CACNA1D: variants seen among roughly 807,000 people sequenced by gnomAD.
The protein encoded by CACNA1D is voltage-dependent L-type calcium channel subunit alpha-1D.
A neutral mutation model predicts 257.1 loss-of-function variants in CACNA1D; 55 were observed. That is an observed-to-expected ratio of 0.21 (90% CI 0.17 to 0.27). The LOEUF is 0.27. Among genes scored for constraint, CACNA1D ranks in the 10% least tolerant of loss-of-function variants. The probability of loss-of-function intolerance (pLI) is 1.00; values close to 1 mark genes in which losing one functional copy is unlikely to be tolerated. For missense variants in CACNA1D, 1,876 were observed against 2,784.0 expected, an observed-to-expected ratio of 0.67 and a Z score of 7.34; for synonymous variants, 980 against 1,014.9, an observed-to-expected ratio of 0.97 and a Z score of 0.65.
chr3:53,498,472 C>T (rs1241373338), intron 2 of CACNA1D, among the ~76,000 whole-genome samples: 1 of 152,120 alleles, frequency 6.6e-6, no homozygotes, highest in East Asian at 1.9e-4. Flanking sequence ...TTTAATTAGG[C>T]AGATGATTCA....
intron 3 of CACNA1D, among the ~76,000 whole-genome samples, chr3:53,532,664 A>G (rs2091985863): frequency 6.6e-6 from 1 of 152,188 alleles, no homozygotes. Context: ...TGGCTTTTGC[A>G]TGTATATTGC....
At chr3:53,508,698 A>T (rs556952330) in intron 3 of CACNA1D, among the ~76,000 whole-genome samples, 3 of 152,122 alleles carry the variant, frequency 2.0e-5, no homozygotes, top group South Asian at 2.1e-4. Context: ...GTGTTTGTTT[A>T]CTTTTTAACT....
chr3:53,591,559 C>T (rs1001615491), intron 3 of CACNA1D, among the ~76,000 whole-genome samples: 1 of 152,304 alleles, frequency 6.6e-6, no homozygotes, highest in Non-Finnish European at 1.5e-5. Flanking sequence ...CAGCCCACCT[C>T]CTCTTTTAAT....
intron 8 of CACNA1D, among the ~76,000 whole-genome samples, chr3:53,675,876 C>T (rs985972175): frequency 2.6e-5 from 4 of 152,300 alleles, no homozygotes; most frequent in South Asian, 2.1e-4. Context: ...ACTGTCAGTG[C>T]GGGCTGTGCT....
chr3:53,683,884 T>C (rs1418467894), intron 8 of CACNA1D, among the ~76,000 whole-genome samples: 2 of 152,088 alleles, frequency 1.3e-5, no homozygotes, highest in Non-Finnish European at 2.9e-5. Flanking sequence ...TAAATAAAGC[T>C]GAACATGTTG....
intron 45 of CACNA1D, among the ~76,000 whole-genome samples, chr3:53,806,229 T>C: frequency 8.2e-6 from 1 of 122,160 alleles, no homozygotes; most frequent in African/African-American, 3.0e-5. Context: ...CCCCTTCCTC[T>C]CCCTTGCCTT....
chr3:53,646,279 G>A (rs1285928571), intron 3 of CACNA1D, among the ~76,000 whole-genome samples: 1 of 152,224 alleles, frequency 6.6e-6, no homozygotes, highest in Non-Finnish European at 1.5e-5. Context: ...GGGGAGGCCA[G>A]GTGAGATATT....
chr3:53,643,787 C>T (rs2093989636), intron 3 of CACNA1D, among the ~76,000 whole-genome samples: 1 of 152,246 alleles, frequency 6.6e-6, no homozygotes, highest in Non-Finnish European at 1.5e-5. Flanking sequence ...TCCCACCTGT[C>T]CTCATACCTT....
At chr3:53,508,601 C>T (rs554812369) in intron 3 of CACNA1D, among the ~76,000 whole-genome samples, 18 of 152,284 alleles carry the variant, frequency 1.2e-4, no homozygotes, top group East Asian at 1.9e-4. Context: ...AGCTTAAGTT[C>T]GGCATTTTAA....
intron 3 of CACNA1D, among the ~76,000 whole-genome samples, chr3:53,645,890 G>T: frequency 6.6e-6 from 1 of 152,194 alleles, no homozygotes; most frequent in Admixed American, 6.5e-5. Context: ...ATGTGGAATG[G>T]TTCCACTGTG....
chr3:53,520,875 T>A (rs2107340656), intron 3 of CACNA1D, among the ~76,000 whole-genome samples: 1 of 81,506 alleles, frequency 1.2e-5, no homozygotes, highest in East Asian at 4.9e-4. Flanking sequence ...TCTTTCTTTC[T>A]TTCTTTCTTT....
At chr3:53,643,257 T>C (rs2093981854) in intron 3 of CACNA1D, among the ~76,000 whole-genome samples, 1 of 152,066 alleles carries the variant, frequency 6.6e-6, no homozygotes, top group Non-Finnish European at 1.5e-5. Flanking sequence ...ACTTCATTAA[T>C]ACCTGCAGGG....
intron 3 of CACNA1D, among the ~76,000 whole-genome samples, chr3:53,540,990 C>A (rs1218724267): frequency 6.6e-6 from 1 of 152,148 alleles, no homozygotes; most frequent in South Asian, 2.1e-4. Context: ...GATCCATTTG[C>A]CTCGGCCTCC....
At chr3:53,642,661 C>A (rs13076915) in intron 3 of CACNA1D, among the ~76,000 whole-genome samples, 1 of 152,234 alleles carries the variant, frequency 6.6e-6, no homozygotes, top group Non-Finnish European at 1.5e-5. Context: ...TCCCACAGAC[C>A]GCATGTCCTT....
intron 8 of CACNA1D, among the ~76,000 whole-genome samples, chr3:53,684,580 G>A (rs974394868): frequency 3.8e-5 from 5 of 133,106 alleles, no homozygotes; most frequent in Non-Finnish European, 7.6e-5. Flanking sequence ...CTGAGGTCAC[G>A]CCACTGCACT....
At chr3:53,786,548 G>A in intron 39 of CACNA1D, 1 of 436,888 alleles carries the variant, frequency 2.3e-6, no homozygotes, top group South Asian at 2.4e-5. Context: ...CTAATATGCT[G>A]CTCTATTAAA....
intron 3 of CACNA1D, among the ~76,000 whole-genome samples, chr3:53,637,536 A>G (rs905951569): frequency 6.6e-6 from 1 of 152,146 alleles, no homozygotes; most frequent in African/African-American, 2.4e-5. Context: ...ACCTAACTCA[A>G]TATAATCCCC....
At chr3:53,597,921 A>G (rs1005924331) in intron 3 of CACNA1D, among the ~76,000 whole-genome samples, 3 of 152,224 alleles carry the variant, frequency 2.0e-5, no homozygotes, top group African/African-American at 7.2e-5. Context: ...TGCCACTACA[A>G]GTAACTGTAA....
At chr3:53,780,149 A>G (rs774148282) in intron 38 of CACNA1D, 21 bp downstream of exon 38, 1 of 1,543,460 alleles carries the variant, frequency 6.5e-7, no homozygotes, top group East Asian at 2.2e-5. Context: ...CCTGCCAGCA[A>G]GACAAGATGG....
Sources: allele counts gnomAD v4.1 joint callset (sites outside exome capture counted in the v4.1 genomes callset), GRCh38; gene constraint gnomAD v4.1.1; transcripts MANE v1.5; gene names NCBI Gene and HGNC (gene_info 2026-07-23, HGNC 2026-07-21).